The following SPMIP3 variants were observed in gnomAD, a reference collection of about 807,000 sequenced individuals.
SPMIP3 encodes sperm microtubule inner protein 3, also known as protein SPMIP3.
chr1:244,355,306 C>G, the SPMIP3 span, among the ~76,000 whole-genome samples: 43 of 152,144 alleles, frequency 2.8e-4, no homozygotes, highest in Admixed American at 2.1e-3. Flanking sequence ...CCCTTTCTAC[C>G]AGAGGGTAGT....
chr1:244,360,525 C>T, the SPMIP3 span, among the ~76,000 whole-genome samples: 1 of 61,226 alleles, frequency 1.6e-5, no homozygotes, highest in African/African-American at 5.0e-5. Flanking sequence ...CACACACACA[C>T]ACACACACAC....
the SPMIP3 span, among the ~76,000 whole-genome samples, chr1:244,365,390 G>A: frequency 7.9e-5 from 12 of 152,140 alleles, no homozygotes; most frequent in Admixed American, 2.0e-4. Context: ...CAGTGAATAA[G>A]TCTCACGAGA....
chr1:244,370,146 T>G, the SPMIP3 span, among the ~76,000 whole-genome samples: 7 of 152,200 alleles, frequency 4.6e-5, no homozygotes, highest in Non-Finnish European at 1.0e-4. Context: ...AATTTCCATC[T>G]CCTGTATCAA....
the SPMIP3 span, among the ~76,000 whole-genome samples, chr1:244,386,932 A>G: frequency 2.0e-5 from 3 of 152,240 alleles, no homozygotes; most frequent in African/African-American, 4.8e-5. Flanking sequence ...TGAGATGGCA[A>G]TATCAGTGTA....
chr1:244,365,435 A>T, the SPMIP3 span, among the ~76,000 whole-genome samples: 1 of 152,180 alleles, frequency 6.6e-6, no homozygotes, highest in African/African-American at 2.4e-5. Flanking sequence ...TCCCCTGAAC[A>T]AACTCTCTTG....
At chr1:244,379,341 A>G in the SPMIP3 span, among the ~76,000 whole-genome samples, 1 of 151,880 alleles carries the variant, frequency 6.6e-6, no homozygotes, top group African/African-American at 2.4e-5. Flanking sequence ...GGCTGAGACT[A>G]CAGGCATAAG....
At chr1:244,360,104 T>C in the SPMIP3 span, among the ~76,000 whole-genome samples, 1 of 150,578 alleles carries the variant, frequency 6.6e-6, no homozygotes, top group African/African-American at 2.5e-5. Flanking sequence ...CGAGACGCCA[T>C]CTAAAAAAAA....
the SPMIP3 span, chr1:244,378,354 C>A: frequency 9.2e-7 from 1 of 1,086,248 alleles, no homozygotes; most frequent in Non-Finnish European, 1.3e-6. Context: ...GGAGTCTTGT[C>A]AATACTCTCT....
At chr1:244,357,535 C>A in the SPMIP3 span, among the ~76,000 whole-genome samples, 1 of 151,736 alleles carries the variant, frequency 6.6e-6, no homozygotes, top group African/African-American at 2.4e-5. Context: ...ATGGTGAAAC[C>A]TTGTCTCTAC....
the SPMIP3 span, among the ~76,000 whole-genome samples, chr1:244,377,665 G>A: frequency 5.9e-5 from 9 of 152,062 alleles, no homozygotes; most frequent in Non-Finnish European, 1.2e-4. Context: ...TGCCACAAGC[G>A]ATATTTTGCC....
chr1:244,354,610 C>T, the SPMIP3 span, among the ~76,000 whole-genome samples: 1 of 152,182 alleles, frequency 6.6e-6, no homozygotes, highest in Non-Finnish European at 1.5e-5. Context: ...ATCCGCCTGC[C>T]TTGGCCTTCC....
At chr1:244,377,165 A>C in the SPMIP3 span, among the ~76,000 whole-genome samples, 1 of 147,972 alleles carries the variant, frequency 6.8e-6, no homozygotes, top group Admixed American at 7.0e-5. Context: ...GCTGTCTCCC[A>C]GGCTGGACTG....
the SPMIP3 span, among the ~76,000 whole-genome samples, chr1:244,373,332 T>TTTTA: frequency 2.5e-3 from 211 of 85,180 alleles, 32 homozygotes; most frequent in East Asian, 0.02. Context: ...CAAAAAAAAA[T>TTTTA]TATATATATA....
At chr1:244,376,745 C>A in the SPMIP3 span, among the ~76,000 whole-genome samples, 2 of 152,016 alleles carry the variant, frequency 1.3e-5, no homozygotes, top group African/African-American at 2.4e-5. Context: ...CAATTGAAAC[C>A]TTTGTTTAAA....
chr1:244,373,332 T>TATATA, the SPMIP3 span, among the ~76,000 whole-genome samples: 2 of 85,148 alleles, frequency 2.3e-5, no homozygotes, highest in African/African-American at 4.1e-5. Context: ...CAAAAAAAAA[T>TATATA]TATATATATA....
At chr1:244,376,728 C>A in the SPMIP3 span, among the ~76,000 whole-genome samples, 1 of 152,162 alleles carries the variant, frequency 6.6e-6, no homozygotes, top group Non-Finnish European at 1.5e-5. Flanking sequence ...CAATTCAATG[C>A]ATAATTCAAT....
At chr1:244,383,581 A>G in the SPMIP3 span, among the ~76,000 whole-genome samples, 2 of 152,184 alleles carry the variant, frequency 1.3e-5, no homozygotes, top group Admixed American at 6.5e-5. Flanking sequence ...GGGTTATAGG[A>G]GCATATAGTA....
At chr1:244,381,358 A>G in the SPMIP3 span, among the ~76,000 whole-genome samples, 2 of 152,218 alleles carry the variant, frequency 1.3e-5, no homozygotes, top group Non-Finnish European at 2.9e-5. Context: ...GACCTTCAAC[A>G]GGACCTTCTT....
the SPMIP3 span, among the ~76,000 whole-genome samples, chr1:244,356,298 C>T: frequency 2.3e-4 from 35 of 152,210 alleles, no homozygotes; most frequent in Middle Eastern, 6.8e-3. Context: ...TGAGAAGGTT[C>T]CCCATAGTTT....
Sources: gnomAD v4.1 joint callset for allele counts (sites outside exome capture counted in the v4.1 genomes callset) on GRCh38, gnomAD v4.1.1 for gene constraint, MANE v1.5 for transcripts, NCBI Gene and HGNC (gene_info 2026-07-23, HGNC 2026-07-21) for gene names.